NEXMIF: variants seen among roughly 807,000 people sequenced by gnomAD.
NEXMIF encodes XLMR protein related to neurite extension.
NEXMIF carries 8 observed loss-of-function variants against 62.1 expected under a neutral mutation model. The observed-to-expected ratio is 0.13, with a 90% CI of 0.08 to 0.23. The LOEUF (loss-of-function observed/expected upper bound fraction) is 0.23. Ranked by LOEUF, NEXMIF falls within the 10% of genes least tolerant of loss-of-function variation. The pLI is 1.00. For missense variants in NEXMIF, 976 were observed against 1,113.3 expected (o/e 0.88, Z 1.75); for synonymous variants, 404 against 416.6 (o/e 0.97, Z 0.37).
intron 1 of NEXMIF, among the ~76,000 whole-genome samples, chrX:74,854,423 A>C (rs760885844): frequency 8.9e-6 from 1 of 111,786 alleles, no homozygotes; most frequent in East Asian, 2.8e-4. Context: ...AAGGAACATA[A>C]CTCAACATAC....
chrX:74,792,127 C>T (rs1448710284), intron 1 of NEXMIF, among the ~76,000 whole-genome samples: 1 of 109,834 alleles, frequency 9.1e-6, no homozygotes, highest in Non-Finnish European at 1.9e-5. Flanking sequence ...TATAAATTTC[C>T]CCCTACACAC....
chrX:74,743,866 C>A lies in NEXMIF; in HGVS notation c.691G>T (p.Ala231Ser). ...EKPDIDLEDP[A>S]QKSYYEALLL... ...AATGCCTCATAATAGCTTTTCTGAG[C>A]CGGATCCTCCAAGTCAATGTCAGGT... The change falls in exon 3 of 4, where the codon GCT becomes TCT. Residue 231 changes from alanine to serine, a missense_variant. Ala to Ser is a moderately conservative substitution (Grantham distance 99, BLOSUM62 1). Transcript: ENST00000055682. 2 of 1,211,559 alleles carry A rather than the reference C, an allele frequency of 1.7e-6. No homozygotes were observed. The highest frequency in any genetic ancestry group is 2.2e-6 in the Non-Finnish European group (2 of 895,420).
Position 74,744,253 on chromosome X carries a change from T to C in NEXMIF, c.304A>G (p.Thr102Ala). 1 of 1,210,795 alleles carries C rather than the reference T, an allele frequency of 8.3e-7. No individual in the cohort carries two copies. Among genetic ancestry groups the C allele is most frequent in the Non-Finnish European group, 1.1e-6 (1 of 894,758 alleles). The change falls in exon 3 of 4, where the codon ACA (threonine) becomes GCA (alanine). Residue 102 changes from threonine to alanine, a missense_variant. By Grantham distance (58) the Thr-to-Ala change is moderately conservative. Around this residue, in one of 5 missense-constraint regions of NEXMIF, gnomAD observed 126 missense variants for 146.5 expected, o/e 0.86. Coordinates refer to ENST00000055682, the MANE Select transcript of NEXMIF (RefSeq NM_001008537.3). ...TTCAGGCCTTTTGCAATGCCAGATG[T>C]GAGGGAGATGGCATTCACAGAAGCA... ...NSASVNAISLTSGIAKGLNTW... is the reference protein window; with the variant it reads ...NSASVNAISLASGIAKGLNTW...
chrX:74,796,493 G>C (rs1002046157), intron 1 of NEXMIF, among the ~76,000 whole-genome samples: 17 of 105,959 alleles, frequency 1.6e-4, no homozygotes, highest in African/African-American at 5.8e-4. Context: ...AAAGGAACCA[G>C]AGTTATTTGG....
rs181664264 is a variant in NEXMIF at position 74,785,362 on chromosome X, C to A, written c.-47-39665G>T. The stretch of plus-strand genomic sequence containing the variant: ...GTTCTTTCTACTATACTGAACTGCT[C>A]CCTATATAATCTTTTTTTGTGGTTA... On this transcript the variant is annotated intron_variant, in intron 1 of 3. Coordinates refer to ENST00000055682, the MANE Select transcript of NEXMIF (RefSeq NM_001008537.3). Among the ~76,000 whole-genome samples, 19 of 111,120 alleles carry A rather than the reference C, an allele frequency of 1.7e-4. No homozygotes were observed. In the East Asian group the frequency reaches 5.4e-3, roughly 31 times the overall value.
At chrX:74,868,024 A>AC (rs1386464673) in intron 1 of NEXMIF, among the ~76,000 whole-genome samples, 1 of 112,340 alleles carries the variant, frequency 8.9e-6, no homozygotes. Context: ...ACATGAAAAA[A>AC]AGCTCAATAG....
intron 1 of NEXMIF, among the ~76,000 whole-genome samples, chrX:74,881,782 C>T (rs1009945968): frequency 3.2e-4 from 36 of 112,132 alleles, no homozygotes; most frequent in Non-Finnish European, 6.2e-4. Context: ...TGCCACATTA[C>T]AAAAATAGAT....
At position 74,819,579 on chromosome X, in the gene NEXMIF, T is replaced by A. The variant is rs139215656; in HGVS notation, c.-47-73882A>T. Among the ~76,000 whole-genome samples the A allele has an allele frequency of 4.4e-3, 489 of 111,858 alleles. 1 individual carries two copies. Among genetic ancestry groups the A allele is most frequent in the African/African-American group, 0.015 (470 of 30,824 alleles). ...GACATTTATGCAGCCAATAAACATC[T>A]GAAAAAAAGCTCATCATCACTGCTC... is the stretch of plus-strand genomic sequence containing the variant. On this transcript the variant is annotated intron_variant, in intron 1 of 3. Transcript: ENST00000055682.
intron 1 of NEXMIF, among the ~76,000 whole-genome samples, chrX:74,814,341 G>A (rs1244691890): frequency 8.9e-6 from 1 of 111,785 alleles, no homozygotes; most frequent in African/African-American, 3.3e-5. Context: ...TACATTAACA[G>A]TGTCCCTGGA....
At chrX:74,896,647 G>A (rs1353499588) in intron 1 of NEXMIF, among the ~76,000 whole-genome samples, 1 of 111,966 alleles carries the variant, frequency 8.9e-6, no homozygotes, top group Non-Finnish European at 1.9e-5. Flanking sequence ...GGGTGTGAAT[G>A]AGCAGAGACA....
chrX:74,866,058 T>C (rs1345468866), intron 1 of NEXMIF, among the ~76,000 whole-genome samples: 2 of 111,170 alleles, frequency 1.8e-5, no homozygotes, highest in Admixed American at 1.9e-4. Context: ...GAACCCAGAA[T>C]GGTAGATCTG....
Position 74,760,713 on chromosome X carries a change from T to C in NEXMIF, c.-47-15016A>G, listed in dbSNP as rs146275043. Among the ~76,000 whole-genome samples the C allele has an allele frequency of 7.5e-3, 839 of 111,501 alleles. 11 individuals carry two copies. The highest frequency in any genetic ancestry group is 0.026 in the African/African-American group (784 of 30,711). On this transcript the variant is annotated intron_variant, in intron 1 of 3. Coordinates refer to ENST00000055682, the MANE Select transcript of NEXMIF (RefSeq NM_001008537.3). ...TTTATTGATTTGCATATGTTGAACCTACCTTGCATCCCAGGGAAAAGTCTA... is the reference window on the plus strand; with the variant it reads ...TTTATTGATTTGCATATGTTGAACCCACCTTGCATCCCAGGGAAAAGTCTA...
rs191530960 is a variant in NEXMIF at position 74,763,598 on chromosome X, A to G, written c.-47-17901T>C. Among the ~76,000 whole-genome samples, 175 of 111,877 alleles carry G rather than the reference A, an allele frequency of 1.6e-3. 1 individual carries two copies. Among genetic ancestry groups the G allele is most frequent in the Non-Finnish European group, 5.8e-4 (31 of 53,200 alleles). On this transcript the variant is annotated intron_variant, in intron 1 of 3. Transcript: ENST00000055682. ...ACAATATTGATTCTTCCTATCCATGAGCATGGAATGTTTTTCCATTTGTTT... is the reference window on the plus strand; with the variant it reads ...ACAATATTGATTCTTCCTATCCATGGGCATGGAATGTTTTTCCATTTGTTT...
chrX:74,769,640 G>A (rs2080204144), intron 1 of NEXMIF: 6 of 666,195 alleles, frequency 9.0e-6, no homozygotes, highest in East Asian at 3.3e-5. Flanking sequence ...CACGGTATCC[G>A]AACTTTGTAA....
chrX:74,760,912 G>A (rs1398512749), intron 1 of NEXMIF, among the ~76,000 whole-genome samples: 1 of 109,176 alleles, frequency 9.2e-6, no homozygotes, highest in Non-Finnish European at 1.9e-5. Context: ...CTGTTGCCCA[G>A]GCTGGAGTGC....
At chrX:74,782,751 T>C (rs1318967098) in intron 1 of NEXMIF, among the ~76,000 whole-genome samples, 1 of 112,110 alleles carries the variant, frequency 8.9e-6, no homozygotes, top group Non-Finnish European at 1.9e-5. Flanking sequence ...AAGGTCTACC[T>C]CCTCCTTAAA....
At chrX:74,806,781 T>C (rs1046186873) in intron 1 of NEXMIF, among the ~76,000 whole-genome samples, 1 of 112,506 alleles carries the variant, frequency 8.9e-6, no homozygotes, top group Non-Finnish European at 1.9e-5. Flanking sequence ...TTTATTTGTA[T>C]ATGGTTGTCC....
intron 1 of NEXMIF, among the ~76,000 whole-genome samples, chrX:74,783,258 T>C (rs1348106627): frequency 9.0e-6 from 1 of 111,357 alleles, no homozygotes; most frequent in Non-Finnish European, 1.9e-5. Context: ...TAGAAAAGTA[T>C]AGAATGTGAT....
At chrX:74,923,929 C>T (rs2147379425) in intron 1 of NEXMIF, among the ~76,000 whole-genome samples, 1 of 112,727 alleles carries the variant, frequency 8.9e-6, no homozygotes, top group African/African-American at 3.2e-5. Context: ...TTCCAAAATG[C>T]AACCAGAAGC....
Sources: allele counts gnomAD v4.1 joint callset (sites outside exome capture counted in the v4.1 genomes callset), GRCh38; gene constraint gnomAD v4.1.1; regional missense constraint gnomAD v4.1.1; transcripts MANE v1.5; gene names NCBI Gene and HGNC (gene_info 2026-07-23, HGNC 2026-07-21).